Variants in DGKH observed in about 807,000 individuals in gnomAD.
The protein encoded by DGKH is diacylglycerol kinase eta.
In DGKH, 90 loss-of-function variants were observed where a neutral mutation model predicts 159.3. That is an observed-to-expected ratio of 0.57 (90% confidence interval 0.48 to 0.67). The LOEUF (loss-of-function observed/expected upper bound fraction) is 0.67. Ranked by LOEUF, DGKH falls within the 30% of genes least tolerant of loss-of-function variation. The probability of loss-of-function intolerance (pLI) is 0.00; values close to 1 mark genes in which losing one functional copy is unlikely to be tolerated. For synonymous variants in DGKH, 536 were observed against 553.8 expected, an observed-to-expected ratio of 0.97 and a Z score of 0.45; for missense variants, 1,181 against 1,506.1, an observed-to-expected ratio of 0.78 and a Z score of 3.57.
chr13:42,206,829 G>C (rs1344571074), intron 21 of DGKH, among the ~76,000 whole-genome samples: 1 of 151,740 alleles, frequency 6.6e-6, no homozygotes, highest in African/African-American at 2.4e-5. Context: ...CCCATCTCAA[G>C]GCCCTTTATT....
intron 1 of DGKH, chr13:42,070,737 C>T: frequency 4.4e-6 from 7 of 1,605,594 alleles, no homozygotes; most frequent in Non-Finnish European, 6.0e-6. Context: ...GGCCCTGCTC[C>T]AGCACTTTAG....
chr13:42,252,375 T>G (rs1398734255), intron 29 of DGKH: 1 of 152,138 alleles, frequency 6.6e-6, no homozygotes. Flanking sequence ...TCTTTAAACA[T>G]TTTTCAAAAT....
chr13:42,174,112 C>A lies in DGKH; in HGVS notation c.1420C>A (p.Pro474Thr). The A allele has an allele frequency of 6.2e-7, 1 of 1,613,794 alleles. No homozygotes were observed. Residue 474 changes from proline (P) to threonine (T), a missense_variant, in exon 12 of 30, where the codon CCA becomes ACA. This residue lies in a region of DGKH where 369 missense variants were observed against 519.4 expected (regional missense o/e 0.71). Coordinates refer to ENST00000337343, the MANE Select transcript of DGKH (RefSeq NM_178009.5). The stretch of plus-strand genomic sequence containing the variant: ...ATTGCCACCAAAAGCTTCCCTACTT[C>A]CAGGACCTCCAGAAGCATCTGAAGA... ...LKLPPKASLLPGPPEASEEFY... is the reference protein window; with the variant it reads ...LKLPPKASLLTGPPEASEEFY...
intron 1 of DGKH, among the ~76,000 whole-genome samples, chr13:42,083,347 T>A (rs1398789256): frequency 6.6e-6 from 1 of 150,412 alleles, no homozygotes; most frequent in Non-Finnish European, 1.5e-5. Flanking sequence ...TAAGTAGTGG[T>A]ATGACGTCGG....
At chr13:42,224,612 A>G (rs1398913087) in intron 29 of DGKH, among the ~76,000 whole-genome samples, 4 of 152,202 alleles carry the variant, frequency 2.6e-5, no homozygotes, top group Non-Finnish European at 5.9e-5. Context: ...CTAGGGAATA[A>G]AAACTCACAT....
At chr13:42,145,988 G>A (rs1174310812) in intron 3 of DGKH, among the ~76,000 whole-genome samples, 7 of 152,016 alleles carry the variant, frequency 4.6e-5, no homozygotes, top group Non-Finnish European at 7.4e-5. Flanking sequence ...TCAAAATTCC[G>A]CCAGTAAAGG....
intron 3 of DGKH, among the ~76,000 whole-genome samples, chr13:42,143,539 T>A (rs1955631102): frequency 6.6e-6 from 1 of 152,196 alleles, no homozygotes; most frequent in African/African-American, 2.4e-5. Context: ...TGGACTTTTT[T>A]TGGTTGGTAA....
At chr13:42,249,310 T>C (rs771637994) in intron 29 of DGKH, among the ~76,000 whole-genome samples, 2 of 152,112 alleles carry the variant, frequency 1.3e-5, no homozygotes, top group Non-Finnish European at 2.9e-5. Flanking sequence ...GGAGGACCAA[T>C]TGAGCCTGGG....
Position 42,166,691 on chromosome 13 carries a change from A to C in DGKH, c.1118+17A>C. ...TCATTTAGGGTAACTGATTATTGAT[A>C]AATCTTATTTGAATACAATGTAGGA... On this transcript the variant is annotated intron_variant, in intron 9 of 29. Coordinates refer to ENST00000337343, the MANE Select transcript of DGKH (RefSeq NM_178009.5). 1 of 1,560,340 alleles carries C rather than the reference A, an allele frequency of 6.4e-7. No individual in the cohort carries two copies. The highest frequency in any genetic ancestry group is 8.7e-7 in the Non-Finnish European group (1 of 1,156,034).
intron 1 of DGKH, among the ~76,000 whole-genome samples, chr13:42,079,576 GT>G (rs1212114696): frequency 1.3e-5 from 2 of 152,010 alleles, no homozygotes; most frequent in South Asian, 2.1e-4. Flanking sequence ...TGGTCAGTGG[GT>G]TTTTTTGCTC....
rs150298435 is a variant in DGKH at position 42,056,223 on chromosome 13, A to AT, written c.192+7267dup. Among the ~76,000 whole-genome samples, 810 of 151,122 alleles carry AT rather than the reference A, an allele frequency of 5.4e-3. 6 individuals are homozygous for AT. Among genetic ancestry groups the AT allele is most frequent in the African/African-American group, 0.019 (773 of 41,148 alleles). ...TCATTCCTATTTTATATAGTTCCTT[A>AT]TTTTTTTTTCAAATGATCATATATG... On this transcript the variant is annotated intron_variant, in intron 1 of 29. Transcript: ENST00000337343.
chr13:42,192,256 C>CAAG (rs1957090828), intron 16 of DGKH, among the ~76,000 whole-genome samples: 5 of 152,152 alleles, frequency 3.3e-5, no homozygotes, highest in Middle Eastern at 3.2e-3. Flanking sequence ...TGTTCTAGGA[C>CAAG]CCTTGAAGCA....
chr13:42,139,989 G>T (rs760370009), intron 3 of DGKH, among the ~76,000 whole-genome samples: 1 of 152,114 alleles, frequency 6.6e-6, no homozygotes, highest in African/African-American at 2.4e-5. Context: ...AGGAGGGGAC[G>T]GAATTACAAT....
chr13:42,178,636 G>T (rs1322831748), intron 13 of DGKH, among the ~76,000 whole-genome samples: 1 of 152,098 alleles, frequency 6.6e-6, no homozygotes. Flanking sequence ...TCAAAATGAT[G>T]TTTCTCAGCA....
In DGKH at chr13:42,170,092, A is replaced by T. The variant is rs1956408347; in HGVS notation, c.1367+1274A>T. The stretch of plus-strand genomic sequence containing the variant: ...TAAATAAAATCACCATTATTTGTAA[A>T]TGAGCCTGGAGGTGACTTCCCAGAC... On this transcript the variant is annotated intron_variant, in intron 11 of 29. Transcript: ENST00000337343. 2.0e-5 allele frequency among the ~76,000 whole-genome samples: 3 copies of T among 152,242 alleles called. No homozygotes were observed. The South Asian group carries it at 6.2e-4, about 32-fold the overall frequency.
chr13:42,224,886 G>A (rs1958079054), intron 29 of DGKH, among the ~76,000 whole-genome samples: 2 of 139,040 alleles, frequency 1.4e-5, no homozygotes. Context: ...GTCTAAAGTT[G>A]GGAAAAGGAA....
intron 27 of DGKH, 116 bp downstream of exon 27, chr13:42,219,465 A>T: frequency 6.9e-7 from 1 of 1,449,960 alleles, no homozygotes; most frequent in Non-Finnish European, 9.3e-7. Context: ...CTACTTTCAA[A>T]TGTTCTGTTC....
chr13:42,112,115 T>C (rs1280342077), intron 1 of DGKH, among the ~76,000 whole-genome samples: 1 of 152,180 alleles, frequency 6.6e-6, no homozygotes, highest in Non-Finnish European at 1.5e-5. Context: ...GTGTTTTATA[T>C]GTAAAAGTAA....
chr13:42,058,983 A>G (rs371224491), intron 1 of DGKH, among the ~76,000 whole-genome samples: 4 of 152,246 alleles, frequency 2.6e-5, no homozygotes, highest in Non-Finnish European at 4.4e-5. Context: ...ATTGTTTGCT[A>G]TAGCAGTTAG....
Sources: allele counts gnomAD v4.1 joint callset (sites outside exome capture counted in the v4.1 genomes callset), GRCh38; gene constraint gnomAD v4.1.1; regional missense constraint gnomAD v4.1.1; transcripts MANE v1.5; gene names NCBI Gene and HGNC (gene_info 2026-07-23, HGNC 2026-07-21).